KCNMB3: variants seen among roughly 807,000 people sequenced by gnomAD.
KCNMB3 encodes potassium calcium-activated channel subfamily M regulatory beta subunit 3.
Under a neutral mutation model 11.9 loss-of-function variants are expected in KCNMB3, and 18 were observed. That is an observed-to-expected ratio of 1.51 (90% CI 1.04 to 2.23). KCNMB3 has a LOEUF of 2.23. KCNMB3 is among the 30% of genes most tolerant of loss of function. KCNMB3 has a pLI of 0.00. For synonymous variants in KCNMB3, 78 were observed against 119.2 expected (o/e 0.65, Z 2.25); for missense variants, 247 against 329.4 (o/e 0.75, Z 1.94).
chr3:179,257,935 A>C (rs1451276727), intron 1 of KCNMB3, among the ~76,000 whole-genome samples: 8 of 151,990 alleles, frequency 5.3e-5, no homozygotes, highest in Non-Finnish European at 7.4e-5. Flanking sequence ...TCCAGGCTGG[A>C]GTACAATGGC....
At chr3:179,266,952 G>A (rs927838761) in exon 1 of KCNMB3, 1 of 1,300,026 alleles carries the variant, frequency 7.7e-7, no homozygotes. Flanking sequence ...TGATCAAGAA[G>A]GACCTGCGTG....
intron 1 of KCNMB3, chr3:179,259,481 T>C (rs1726131024): frequency 1.2e-6 from 2 of 1,612,706 alleles, no homozygotes; most frequent in Middle Eastern, 1.6e-4. Context: ...CTTGGTCAAG[T>C]TTTCCATCCA....
exon 1 of KCNMB3, chr3:179,266,874 G>A (rs989478763): frequency 1.9e-4 from 269 of 1,430,324 alleles, no homozygotes; most frequent in Non-Finnish European, 2.4e-4. Context: ...CTGGAGAGGT[G>A]AGAACTTCAG....
intron 1 of KCNMB3, among the ~76,000 whole-genome samples, chr3:179,266,397 T>C (rs7643916): frequency 0.37 from 56,056 of 152,070 alleles, 11,497 homozygotes; most frequent in African/African-American, 0.55. Flanking sequence ...GCTGGGGAGC[T>C]ACAGGTGAGT....
intron 1 of KCNMB3, chr3:179,266,631 C>T (rs773620682): frequency 6.2e-7 from 1 of 1,613,964 alleles, no homozygotes; most frequent in Admixed American, 1.7e-5. Flanking sequence ...ACCGGCAGAG[C>T]TTCCGGAAGT....
intron 1 of KCNMB3, among the ~76,000 whole-genome samples, chr3:179,266,160 C>T (rs1174063173): frequency 1.3e-5 from 2 of 152,178 alleles, no homozygotes; most frequent in African/African-American, 4.8e-5. Flanking sequence ...AGTCATATGG[C>T]TGATTAAGTG....
At chr3:179,259,295 T>G in intron 1 of KCNMB3, 1 of 1,552,776 alleles carries the variant, frequency 6.4e-7, no homozygotes, top group Non-Finnish European at 8.7e-7. Flanking sequence ...CGCTCTCTGG[T>G]TCTTCAGGAT....
At chr3:179,248,202 G>A (rs1460778381) in intron 1 of KCNMB3, among the ~76,000 whole-genome samples, 6 of 152,246 alleles carry the variant, frequency 3.9e-5, no homozygotes, top group South Asian at 4.2e-4. Flanking sequence ...AAGTTACTTG[G>A]CCTTTCTGAG....
chr3:179,261,199 G>A (rs1249544810), intron 1 of KCNMB3: 2 of 1,354,330 alleles, frequency 1.5e-6, no homozygotes, highest in Non-Finnish European at 2.0e-6. Flanking sequence ...CGGCGAGCCG[G>A]GCCTCCGCCA....
chr3:179,254,504 A>G (rs1169998209), upstream of KCNMB3, among the ~76,000 whole-genome samples: 1 of 152,140 alleles, frequency 6.6e-6, no homozygotes, highest in Non-Finnish European at 1.5e-5. Context: ...CACACATTTA[A>G]CTTAGGCCTT....
intron 1 of KCNMB3, chr3:179,258,888 G>T: frequency 6.3e-7 from 1 of 1,595,458 alleles, no homozygotes; most frequent in Non-Finnish European, 8.6e-7. Flanking sequence ...ACTTAAAGCA[G>T]TAGATCACCT....
At chr3:179,245,031 A>G (rs1296200565) in intron 1 of KCNMB3, among the ~76,000 whole-genome samples, 1 of 152,232 alleles carries the variant, frequency 6.6e-6, no homozygotes, top group Non-Finnish European at 1.5e-5. Context: ...CCAGGGCTTC[A>G]TTCCAGAAAT....
At chr3:179,240,015 GA>G (rs766211373), downstream of KCNMB3, 1 of 1,546,750 alleles carries the variant, frequency 6.5e-7, no homozygotes, top group South Asian at 1.2e-5. Flanking sequence ...ATGCTCATCA[GA>G]AACTGTCAAT....
intron 1 of KCNMB3, among the ~76,000 whole-genome samples, chr3:179,247,350 T>C (rs1431355850): frequency 2.6e-5 from 4 of 151,320 alleles, no homozygotes; most frequent in Non-Finnish European, 5.9e-5. Context: ...CATATATATA[T>C]ATATATGATG....
At chr3:179,261,194 AGCCGG>A in intron 1 of KCNMB3, 1 of 1,348,684 alleles carries the variant, frequency 7.4e-7, no homozygotes, top group Non-Finnish European at 1.0e-6. Context: ...TTTTGCGGCG[AGCCGG>A]GCCTCCGCCA....
intron 1 of KCNMB3, among the ~76,000 whole-genome samples, chr3:179,258,178 A>G (rs12633678): frequency 0.47 from 71,598 of 152,002 alleles, 18,675 homozygotes; most frequent in East Asian, 0.87. Context: ...GAGCCACCAC[A>G]CCCGGCCAAA....
At chr3:179,261,207 C>G in intron 1 of KCNMB3, 18 of 1,362,492 alleles carry the variant, frequency 1.3e-5, no homozygotes, top group Non-Finnish European at 1.7e-5. Context: ...CGGGCCTCCG[C>G]CAGCCTCTGC....
intron 1 of KCNMB3, among the ~76,000 whole-genome samples, chr3:179,263,704 A>G: frequency 6.6e-6 from 1 of 150,898 alleles, no homozygotes; most frequent in Non-Finnish European, 1.5e-5. Flanking sequence ...AAAGGTAATG[A>G]TTGTGCACTT....
intron 2 of KCNMB3, 41 bp from the exon 3 acceptor site, chr3:179,243,325 C>G (rs1725526232): frequency 6.6e-7 from 1 of 1,513,294 alleles, no homozygotes; most frequent in Admixed American, 1.8e-5. Context: ...GGCACTGTCA[C>G]CAATACCAAA....
Sources: allele counts gnomAD v4.1 joint callset (sites outside exome capture counted in the v4.1 genomes callset), GRCh38; gene constraint gnomAD v4.1.1; transcripts MANE v1.5; gene names NCBI Gene and HGNC (gene_info 2026-07-23, HGNC 2026-07-21).